PRELID2: variants seen among roughly 807,000 people sequenced by gnomAD.
PRELID2 encodes PRELI domain containing 2, also known as PRELI domain-containing protein 2.
PRELID2 carries 25 observed loss-of-function variants against 28.4 expected under a neutral mutation model. The observed-to-expected ratio is 0.88, with a 90% CI of 0.64 to 1.23. The LOEUF is 1.23. PRELID2 is among the 50% of genes most tolerant of loss of function. The pLI, the probability that PRELID2 is intolerant of heterozygous loss-of-function variation, is 0.00. For synonymous variants in PRELID2, 76 were observed against 71.6 expected, an observed-to-expected ratio of 1.06 and a Z score of -0.31; for missense variants, 201 against 214.4, an observed-to-expected ratio of 0.94 and a Z score of 0.39.
the PRELID2 span, among the ~76,000 whole-genome samples, chr5:145,248,975 G>C: frequency 6.6e-6 from 1 of 152,050 alleles, no homozygotes; most frequent in Non-Finnish European, 1.5e-5. Flanking sequence ...AGGCTATCAC[G>C]TGTTTCACTT....
At chr5:145,658,445 A>T (rs1340126273) in intron 1 of PRELID2, among the ~76,000 whole-genome samples, 2 of 152,146 alleles carry the variant, frequency 1.3e-5, no homozygotes, top group Admixed American at 1.3e-4. Context: ...TGTGATTCCC[A>T]GTTTTGGAGG....
At chr5:145,570,395 A>T (rs906683663) in intron 1 of PRELID2, among the ~76,000 whole-genome samples, 1 of 151,830 alleles carries the variant, frequency 6.6e-6, no homozygotes, top group Non-Finnish European at 1.5e-5. Context: ...ACTCACTTGA[A>T]CTCTATCTTT....
At chr5:145,370,606 G>T in the PRELID2 span, among the ~76,000 whole-genome samples, 70 of 151,964 alleles carry the variant, frequency 4.6e-4, no homozygotes, top group East Asian at 0.013. Flanking sequence ...GCTATATGGG[G>T]TCTTCTTTGA....
chr5:145,578,529 C>T (rs1753081430), intron 1 of PRELID2, among the ~76,000 whole-genome samples: 2 of 151,964 alleles, frequency 1.3e-5, no homozygotes, highest in African/African-American at 4.8e-5. Flanking sequence ...AAGAGCAAAA[C>T]CATTGCCAGC....
chr5:145,300,921 G>T, the PRELID2 span, among the ~76,000 whole-genome samples: 5 of 151,826 alleles, frequency 3.3e-5, no homozygotes, highest in Non-Finnish European at 5.9e-5. Context: ...ACAGAACAAA[G>T]CATATTCAGA....
Position 145,639,451 on chromosome 5 carries a change from C to G in PRELID2, n.70+125480G>C, listed in dbSNP as rs114452173. On this transcript the variant is annotated intron_variant and non_coding_transcript_variant, in intron 1 of 2. Transcript: ENST00000510259. Reference sequence around the variant, plus strand: ...AATCTTCTTATTAAAATGCCCCATGCTATAATTCCCTGAAAACTGTCTCAA... The same window carrying G: ...AATCTTCTTATTAAAATGCCCCATGGTATAATTCCCTGAAAACTGTCTCAA... Among the ~76,000 whole-genome samples the G allele has an allele frequency of 5.9e-3, 899 of 152,288 alleles. 12 individuals are homozygous for G. Among genetic ancestry groups the G allele is most frequent in the African/African-American group, 0.02 (832 of 41,536 alleles).
intron 1 of PRELID2, among the ~76,000 whole-genome samples, chr5:145,716,355 C>A (rs539999463): frequency 6.6e-6 from 1 of 152,104 alleles, no homozygotes; most frequent in Non-Finnish European, 1.5e-5. Flanking sequence ...GAGAAAACCA[C>A]CAGGAATCCT....
At chr5:145,404,038 A>T in the PRELID2 span, among the ~76,000 whole-genome samples, 7,011 of 152,280 alleles carry the variant, frequency 0.046, 277 homozygotes, top group South Asian at 0.17. Context: ...TCTCATTTGT[A>T]GATGGCAGCC....
intron 1 of PRELID2, among the ~76,000 whole-genome samples, chr5:145,628,790 T>C (rs1753891281): frequency 6.6e-6 from 1 of 152,170 alleles, no homozygotes; most frequent in Non-Finnish European, 1.5e-5. Context: ...AGAACCATGA[T>C]ATAAATCCTG....
chr5:145,391,499 T>C, the PRELID2 span, among the ~76,000 whole-genome samples: 1 of 152,192 alleles, frequency 6.6e-6, no homozygotes, highest in African/African-American at 2.4e-5. Flanking sequence ...AAGGATCGCA[T>C]GGCCTGGCCC....
chr5:145,272,386 T>C, the PRELID2 span, among the ~76,000 whole-genome samples: 1 of 152,080 alleles, frequency 6.6e-6, no homozygotes, highest in Non-Finnish European at 1.5e-5. Context: ...GCTACAAAAA[T>C]GAAGCAGAAT....
chr5:145,281,699 G>A, the PRELID2 span, among the ~76,000 whole-genome samples: 1 of 152,168 alleles, frequency 6.6e-6, no homozygotes, highest in Non-Finnish European at 1.5e-5. Flanking sequence ...TTGTTTGTAT[G>A]TCCATTGCGT....
In PRELID2 at chr5:145,537,786, G is replaced by A. The variant is rs1752712211; in HGVS notation, n.71-64471C>T. Among the ~76,000 whole-genome samples, 3 of 152,004 alleles carry A rather than the reference G, an allele frequency of 2.0e-5. No individual in the cohort carries two copies. In the South Asian group the frequency reaches 6.2e-4, roughly 31 times the overall value. On this transcript the variant is annotated intron_variant and non_coding_transcript_variant, in intron 1 of 2. Transcript: ENST00000510259. The stretch of plus-strand genomic sequence containing the variant: ...GCAAATATTTTCTCCCATTCTGCAA[G>A]TTGTCTCTTAATTCTGTTAATAGTT...
chr5:145,454,634 T>C, the PRELID2 span, among the ~76,000 whole-genome samples: 2 of 152,110 alleles, frequency 1.3e-5, no homozygotes, highest in African/African-American at 4.8e-5. Context: ...TATACACCAA[T>C]AACAGACAAA....
the PRELID2 span, among the ~76,000 whole-genome samples, chr5:145,241,565 G>A: frequency 6.6e-6 from 1 of 151,892 alleles, no homozygotes; most frequent in Non-Finnish European, 1.5e-5. Flanking sequence ...TAAAAAGAGA[G>A]AATTTTATTT....
chr5:145,621,360 C>CA (rs1373504885), intron 1 of PRELID2, among the ~76,000 whole-genome samples: 1 of 151,870 alleles, frequency 6.6e-6, no homozygotes, highest in Non-Finnish European at 1.5e-5. Context: ...TACAACTTGG[C>CA]AAAAAAGAGT....
At chr5:145,587,586 T>C (rs1753171304) in intron 1 of PRELID2, among the ~76,000 whole-genome samples, 1 of 152,164 alleles carries the variant, frequency 6.6e-6, no homozygotes, top group African/African-American at 2.4e-5. Context: ...CATAGGAGCA[T>C]AAATAGTAAA....
the PRELID2 span, among the ~76,000 whole-genome samples, chr5:145,381,383 T>C: frequency 3.5e-4 from 54 of 152,268 alleles, no homozygotes; most frequent in African/African-American, 1.2e-3. Flanking sequence ...ATCTACATAT[T>C]GGGTTGGTGC....
intron 1 of PRELID2, among the ~76,000 whole-genome samples, chr5:145,640,643 CA>C (rs750960595): frequency 0.13 from 9,391 of 73,756 alleles, 592 homozygotes; most frequent in African/African-American, 0.29. Flanking sequence ...GACTCTGTCT[CA>C]AAAAAAAAAA....
Sources: gnomAD v4.1 joint callset for allele counts (sites outside exome capture counted in the v4.1 genomes callset) on GRCh38, gnomAD v4.1.1 for gene constraint, MANE v1.5 for transcripts, NCBI Gene and HGNC (gene_info 2026-07-23, HGNC 2026-07-21) for gene names.